SLC30A5: variants seen among roughly 807,000 people sequenced by gnomAD.
The protein encoded by SLC30A5 is proton-coupled zinc antiporter SLC30A5.
In SLC30A5, 33 loss-of-function variants were observed where a neutral mutation model predicts 79.6. That is an observed-to-expected ratio of 0.41 (90% confidence interval 0.31 to 0.55). SLC30A5 has a LOEUF of 0.55. Among genes scored for constraint, SLC30A5 ranks in the 20% least tolerant of loss-of-function variants. SLC30A5 has a pLI of 0.20. For synonymous variants in SLC30A5, 299 were observed against 319.7 expected, an observed-to-expected ratio of 0.94 and a Z score of 0.69; for missense variants, 788 against 928.1, an observed-to-expected ratio of 0.85 and a Z score of 1.96.
chr5:69,111,807 ATTTATCCATTATAG>A (rs1208172971), intron 5 of SLC30A5, among the ~76,000 whole-genome samples: 8 of 152,200 alleles, frequency 5.3e-5, no homozygotes, highest in African/African-American at 1.9e-4. Context: ...CACTAACAGA[ATTTATCCATTATAG>A]TGGTAATCAT....
chr5:69,118,243 T>C (rs1746430574), intron 11 of SLC30A5: 1 of 149,944 alleles, frequency 6.7e-6, no homozygotes, highest in African/African-American at 2.5e-5. Flanking sequence ...CAAATGTATA[T>C]ATTCGTTAAA....
Position 69,113,269 on chromosome 5 carries a change from G to A in SLC30A5, c.535+42G>A, listed in dbSNP as rs746614054. 1.5e-5 allele frequency: 22 copies of A among 1,428,204 alleles called. No individual in the cohort carries two copies. In the African/African-American group the frequency reaches 2.9e-4, roughly 19 times the overall value. The allele number at this position is 1,428,204 out of a possible 1,614,324, so 88.5% of individuals were successfully genotyped here. On this transcript the variant is annotated intron_variant, in intron 6 of 15. Coordinates refer to ENST00000396591, the MANE Select transcript of SLC30A5 (RefSeq NM_022902.5). ...GATCAGAGTTGTTTCAAGTCTTGAGGAAAACTAGAAGCCTGGAACAATGGA... is the reference window on the plus strand; with the variant it reads ...GATCAGAGTTGTTTCAAGTCTTGAGAAAAACTAGAAGCCTGGAACAATGGA...
rs1184490827 is a variant in SLC30A5 at position 69,130,726 on chromosome 5, G to C, written c.*1109G>C. Reference sequence around the variant, plus strand: ...CAGTTGTAACTAGATATGTAGTAAAGTCTGAAAAGACTTTACCATAGACAA... The same window carrying C: ...CAGTTGTAACTAGATATGTAGTAAACTCTGAAAAGACTTTACCATAGACAA... On this transcript the variant is annotated 3_prime_UTR_variant, in exon 16 of 16. Coordinates refer to ENST00000396591, the MANE Select transcript of SLC30A5 (RefSeq NM_022902.5). 1 of 151,872 alleles carries C rather than the reference G, an allele frequency of 6.6e-6. No homozygotes were observed. The highest frequency in any genetic ancestry group is 1.5e-5 in the Non-Finnish European group (1 of 67,960). 9.4% of individuals were successfully genotyped at this position (151,872 alleles called of 1,614,324 possible). A position where few individuals can be genotyped will look rare whatever the true frequency, so the allele number is the denominator to read the frequency against.
chr5:69,120,556 A>G (rs1469258163), intron 12 of SLC30A5, among the ~76,000 whole-genome samples: 1 of 152,184 alleles, frequency 6.6e-6, no homozygotes, highest in African/African-American at 2.4e-5. Context: ...TATTTTCCTG[A>G]TAAAATACAC....
chr5:69,116,103 A>G lies in SLC30A5; in HGVS notation c.961A>G (p.Thr321Ala), dbSNP rs1460716057. 6.2e-7 allele frequency: 1 copy of G among 1,614,102 alleles called. No homozygotes were observed. The highest frequency in any genetic ancestry group is 2.2e-5 in the East Asian group (1 of 44,882). The change falls in exon 9 of 16, where the codon ACA becomes GCA. Residue 321 changes from threonine to alanine, a missense_variant. By Grantham distance (58) the Thr-to-Ala change is moderately conservative (BLOSUM62 0). This residue lies in a region of SLC30A5 where 626 missense variants were observed against 755.5 expected (regional missense o/e 0.83). Transcript: ENST00000396591. This position sits in a 1 kb window ranked among gnomAD's most constrained non-coding sequence, Gnocchi z 4.0. ...ISALLFGNFW[T>A]HPITDQLRAM... ...TGCTCTCCTTTTTGGAAATTTTTGGACACATCCAATAACAGACCAGCTTCG... is the reference window on the plus strand; with the variant it reads ...TGCTCTCCTTTTTGGAAATTTTTGGGCACATCCAATAACAGACCAGCTTCG...
chr5:69,113,145 G>A lies in SLC30A5; in HGVS notation c.453G>A (p.Arg151=). 6.2e-7 allele frequency: 1 copy of A among 1,611,480 alleles called. No individual in the cohort carries two copies. The change falls in exon 6 of 16, where the codon AGG becomes AGA. Residue 151 remains arginine (R), a synonymous_variant. Coordinates refer to ENST00000396591, the MANE Select transcript of SLC30A5 (RefSeq NM_022902.5). ...TSSGGGPAKT[R]GAAFFIIAVI... ...GTTGTTTTCTTTATTTTCAGACAAGGGGAGCTGCTTTTTTCATTATTGCTG... is the reference window on the plus strand; with the variant it reads ...GTTGTTTTCTTTATTTTCAGACAAGAGGAGCTGCTTTTTTCATTATTGCTG...
rs374399556 is a variant in SLC30A5 at position 69,115,312 on chromosome 5, G to A, written c.688G>A (p.Asp230Asn). Residue 230 changes from aspartate (D) to asparagine (N), a missense_variant, in exon 8 of 16, where the codon GAC (aspartate) becomes AAC (asparagine). Physicochemically the swap from Asp to Asn is conservative, Grantham distance 23 (BLOSUM62 1). Around this residue, in one of 3 missense-constraint regions of SLC30A5, gnomAD observed 626 missense variants for 755.5 expected, o/e 0.83. Coordinates refer to ENST00000396591, the MANE Select transcript of SLC30A5 (RefSeq NM_022902.5). ...FHTASRKLSV[D>N]VGGAKRLQAL... ...TACAGCTTCCAGAAAGCTCTCTGTC[G>A]ACGTTGGTGGAGCTAAACGTCTTCA... is the stretch of plus-strand genomic sequence containing the variant. 4.1e-5 allele frequency: 66 copies of A among 1,613,908 alleles called. 1 individual carries two copies. In the East Asian group the frequency reaches 5.6e-4, roughly 14 times the overall value.
Position 69,094,162 on chromosome 5 carries a change from G to T in SLC30A5, c.-94G>T, listed in dbSNP as rs972873222. 2 of 622,210 alleles carry T rather than the reference G, an allele frequency of 3.2e-6. No homozygotes were observed. The highest frequency in any genetic ancestry group is 4.8e-6 in the Non-Finnish European group (2 of 418,760). The allele number at this position is 622,210 out of a possible 1,614,324, so 38.5% of individuals were successfully genotyped here. On this transcript the variant is annotated 5_prime_UTR_variant, in exon 1 of 16. Transcript: ENST00000396591. ...AGCCCGACGGGGTCTCTGCCATGGG[G>T]GAGTGACGCGCCTGCACCCGCTGTT...
In SLC30A5 at chr5:69,116,125, T is replaced by C; in HGVS notation, c.983T>C (p.Leu328Pro). ...TGGACACATCCAATAACAGACCAGCTTCGGGCTATGAACAAAGCAGCACAC... is the reference window on the plus strand; with the variant it reads ...TGGACACATCCAATAACAGACCAGCCTCGGGCTATGAACAAAGCAGCACAC... The part of the protein sequence containing the change: ...NFWTHPITDQ[L>P]RAMNKAAHQE... Residue 328 changes from leucine to proline, a missense_variant, in exon 9 of 16, where the codon CTT becomes CCT. By Grantham distance (98) the Leu-to-Pro change is moderately conservative (BLOSUM62 -3). Coordinates refer to ENST00000396591, the MANE Select transcript of SLC30A5 (RefSeq NM_022902.5). This position sits in a 1 kb window ranked among gnomAD's most constrained non-coding sequence, Gnocchi z 4.0. The C allele has an allele frequency of 1.2e-6, 2 of 1,614,200 alleles. No homozygotes were observed. The highest frequency in any genetic ancestry group is 1.3e-5 in the African/African-American group (1 of 75,058).
At chr5:69,121,977 C>A in intron 13 of SLC30A5, 82 bp downstream of exon 13, 1 of 1,152,756 alleles carries the variant, frequency 8.7e-7, no homozygotes, top group Non-Finnish European at 1.2e-6. Context: ...AAGTTTTGGG[C>A]TTCTGGTATG....
intron 13 of SLC30A5, 22 bp downstream of exon 13, chr5:69,121,917 TC>T: frequency 6.3e-7 from 1 of 1,589,198 alleles, no homozygotes; most frequent in Non-Finnish European, 8.6e-7. Flanking sequence ...CAAAATATTA[TC>T]CTACTTTTCA....
chr5:69,104,193 A>G lies in SLC30A5; in HGVS notation c.274-438A>G, dbSNP rs1055383523. On this transcript the variant is annotated intron_variant, in intron 3 of 15. Coordinates refer to ENST00000396591, the MANE Select transcript of SLC30A5 (RefSeq NM_022902.5). ...TGCTCCATCGCCCAGGCTGCAGTGC[A>G]GTGACACGATCTTGTCTCACTGCAA... 3 of 986,088 alleles carry G rather than the reference A, an allele frequency of 3.0e-6. No individual in the cohort carries two copies. In the African/African-American group the frequency reaches 5.2e-5, roughly 17 times the overall value. 61.1% of individuals were successfully genotyped at this position (986,088 alleles called of 1,614,324 possible).
intron 7 of SLC30A5, 102 bp from the exon 8 acceptor site, chr5:69,115,135 G>GAAAAAAAA: frequency 3.7e-6 from 2 of 535,242 alleles, no homozygotes; most frequent in Non-Finnish European, 5.7e-6. Flanking sequence ...TGTCTCTGGG[G>GAAAAAAAA]AAAAAAAAAA....
At chr5:69,101,050 G>A (rs1745902543) in intron 2 of SLC30A5, 121 bp downstream of exon 2, 1 of 1,002,616 alleles carries the variant, frequency 1.0e-6, no homozygotes, top group Non-Finnish European at 1.4e-6. Flanking sequence ...ACAAGTATTT[G>A]ATAAACTTTT....
In SLC30A5 at chr5:69,116,644, ATAT is replaced by A. The variant is rs746099476; in HGVS notation, c.1281+44_1281+46del. The A allele has an allele frequency of 5.3e-5, 70 of 1,329,050 alleles. 1 individual carries two copies. The African/African-American group carries it at 6.5e-4, about 12-fold the overall frequency. The allele number at this position is 1,329,050 out of a possible 1,614,324, so 82.3% of individuals were successfully genotyped here. On this transcript the variant is annotated intron_variant, in intron 10 of 15. Transcript: ENST00000396591. This position sits in a 1 kb window ranked among gnomAD's most constrained non-coding sequence, Gnocchi z 4.0. The stretch of plus-strand genomic sequence containing the variant: ...TTAATTGACATATCCTAAAAGCATA[ATAT>A]TTTAATTTTGACAGTTCTGGTATAA...
At chr5:69,095,253 T>A (rs773496302) in intron 1 of SLC30A5, among the ~76,000 whole-genome samples, 3 of 135,600 alleles carry the variant, frequency 2.2e-5, no homozygotes, top group Non-Finnish European at 4.5e-5. Context: ...CAGGCTGGAG[T>A]GCAATGGCGC....
intron 4 of SLC30A5, among the ~76,000 whole-genome samples, chr5:69,105,607 G>A (rs1484885835): frequency 2.0e-5 from 3 of 151,990 alleles, no homozygotes; most frequent in African/African-American, 4.8e-5. Flanking sequence ...GCAGTGAGCC[G>A]AGATCACGCC....
At chr5:69,117,543 C>A (rs958067294) in intron 11 of SLC30A5, 147 bp downstream of exon 11, 4 of 713,552 alleles carry the variant, frequency 5.6e-6, no homozygotes, top group Admixed American at 3.0e-5. Context: ...GGATGTGAAT[C>A]GGGCATTTGA....
chr5:69,112,593 A>G (rs999238290), intron 5 of SLC30A5, among the ~76,000 whole-genome samples: 3 of 151,840 alleles, frequency 2.0e-5, no homozygotes. Flanking sequence ...CCTGGGCGAC[A>G]GCGAGATCTG....
Sources: allele counts gnomAD v4.1 joint callset (sites outside exome capture counted in the v4.1 genomes callset), GRCh38; gene constraint gnomAD v4.1.1; regional missense constraint gnomAD v4.1.1; non-coding constraint Gnocchi (gnomAD v3.1); transcripts MANE v1.5; gene names NCBI Gene and HGNC (gene_info 2026-07-23, HGNC 2026-07-21).